ANKHD1: variants seen among roughly 807,000 people sequenced by gnomAD.
ANKHD1 encodes the protein ankyrin repeat and KH domain containing 1.
Under a neutral mutation model 230.5 loss-of-function variants are expected in ANKHD1, and 31 were observed. That is an observed-to-expected ratio of 0.13 (90% CI 0.10 to 0.18). The LOEUF (loss-of-function observed/expected upper bound fraction) is 0.18. ANKHD1 is among the 10% of genes least tolerant of loss of function. The pLI is 1.00. For synonymous variants in ANKHD1, 1,074 were observed against 1,117.6 expected, an observed-to-expected ratio of 0.96 and a Z score of 0.78; for missense variants, 2,256 against 3,071.3, an observed-to-expected ratio of 0.73 and a Z score of 6.27.
chr5:140,462,332 C>CT (rs755816715), intron 9 of ANKHD1, among the ~76,000 whole-genome samples: 1 of 152,114 alleles, frequency 6.6e-6, no homozygotes, highest in African/African-American at 2.4e-5. Context: ...GGGTGATACT[C>CT]TAAGTTCTTT....
intron 1 of ANKHD1, among the ~76,000 whole-genome samples, chr5:140,428,505 G>A (rs1034480531): frequency 3.9e-5 from 6 of 152,234 alleles, no homozygotes; most frequent in Admixed American, 2.0e-4. Context: ...GCGTGGTGGC[G>A]CACGCCTGCA....
chr5:140,525,725 G>A (rs1753574087), intron 25 of ANKHD1, among the ~76,000 whole-genome samples: 5 of 151,922 alleles, frequency 3.3e-5, no homozygotes, highest in South Asian at 2.1e-4. Flanking sequence ...AAAATTAGCC[G>A]GGCATGGTGG....
chr5:140,472,424 T>C, intron 10 of ANKHD1: 3 of 1,404,634 alleles, frequency 2.1e-6, no homozygotes, highest in Non-Finnish European at 2.8e-6. Context: ...GGAAATCCTC[T>C]TCAATTGAAA....
In ANKHD1 at chr5:140,537,432, T is replaced by C. The variant is rs1254138096; in HGVS notation, c.7071T>C (p.Ser2357=). The C allele has an allele frequency of 6.2e-7, 1 of 1,614,160 alleles. No individual in the cohort carries two copies. Among genetic ancestry groups the C allele is most frequent in the East Asian group, 2.2e-5 (1 of 44,878 alleles). ...PPTLGQPKGV[S]ASQDRKIPPP... is the part of the protein sequence containing the mutation. ...CGTTGGGCCAACCAAAAGGAGTCAG[T>C]GCCAGTCAAGATCGAAAGATACCTC... Residue 2357 remains serine, a synonymous_variant, in exon 31 of 34, where the codon AGT becomes AGC. Coordinates refer to ENST00000360839, the MANE Select transcript of ANKHD1 (RefSeq NM_017747.3).
At chr5:140,415,242 G>A (rs1383804386) in intron 1 of ANKHD1, among the ~76,000 whole-genome samples, 1 of 151,730 alleles carries the variant, frequency 6.6e-6, no homozygotes, top group Non-Finnish European at 1.5e-5. Context: ...AATTAGCCGG[G>A]CATGGTGGTG....
At chr5:140,414,197 T>C (rs1771169910) in intron 1 of ANKHD1, among the ~76,000 whole-genome samples, 1 of 152,192 alleles carries the variant, frequency 6.6e-6, no homozygotes, top group Admixed American at 6.5e-5. Context: ...TCAATTATTT[T>C]AGGTATATAC....
chr5:140,519,021 G>C (rs567935676), intron 24 of ANKHD1, among the ~76,000 whole-genome samples: 7 of 152,278 alleles, frequency 4.6e-5, no homozygotes, highest in Admixed American at 3.9e-4. Context: ...CGACATGATT[G>C]TATATCTAGA....
In ANKHD1 at chr5:140,485,577, A is replaced by T; in HGVS notation, c.1999-12A>T. On this transcript the variant is annotated splice_polypyrimidine_tract_variant and intron_variant, in intron 12 of 33. Coordinates refer to ENST00000360839, the MANE Select transcript of ANKHD1 (RefSeq NM_017747.3). The surrounding 1 kb of genome is among the most constrained non-coding windows in gnomAD (Gnocchi z 4.8). ...CTATAAAGAATTAATTATCATGGCA[A>T]TTCTTTTTCAGGATGGTTCAACAAT... is the stretch of plus-strand genomic sequence containing the variant. The T allele has an allele frequency of 1.2e-6, 2 of 1,611,760 alleles. No homozygotes were observed. The highest frequency in any genetic ancestry group is 1.7e-6 in the Non-Finnish European group (2 of 1,179,356).
chr5:140,414,925 T>A (rs1771233907), intron 1 of ANKHD1, among the ~76,000 whole-genome samples: 1 of 152,338 alleles, frequency 6.6e-6, no homozygotes, highest in South Asian at 2.1e-4. Flanking sequence ...CCTTATCAGA[T>A]ACATAATTAA....
intron 1 of ANKHD1, 27 bp downstream of exon 1, chr5:140,402,300 A>G: frequency 1.4e-6 from 2 of 1,447,068 alleles, no homozygotes. Context: ...CTCGCCTCCC[A>G]CACATTGTGA....
chr5:140,410,106 A>G (rs976406031), intron 1 of ANKHD1, among the ~76,000 whole-genome samples: 1 of 152,160 alleles, frequency 6.6e-6, no homozygotes, highest in Non-Finnish European at 1.5e-5. Context: ...ATAAGGGCAG[A>G]TACAGTGAAG....
chr5:140,488,958 G>T (rs1489772474), intron 14 of ANKHD1, among the ~76,000 whole-genome samples: 1 of 152,008 alleles, frequency 6.6e-6, no homozygotes, highest in East Asian at 1.9e-4. Context: ...TGGCAGGCCA[G>T]GTGGGCAAAT....
intron 14 of ANKHD1, among the ~76,000 whole-genome samples, chr5:140,488,312 T>C (rs989290212): frequency 6.6e-6 from 1 of 152,050 alleles, no homozygotes; most frequent in African/African-American, 2.4e-5. Context: ...TGGCCGGGCA[T>C]GGTGGCTCAC....
intron 5 of ANKHD1, among the ~76,000 whole-genome samples, chr5:140,444,087 C>T (rs1041622136): frequency 6.9e-6 from 1 of 145,414 alleles, no homozygotes; most frequent in African/African-American, 2.5e-5. Context: ...AGTCCCCCCC[C>T]CCCTTTTTTT....
At chr5:140,517,103 A>G (rs1753055599) in intron 24 of ANKHD1, among the ~76,000 whole-genome samples, 1 of 147,282 alleles carries the variant, frequency 6.8e-6, no homozygotes, top group Admixed American at 6.9e-5. Context: ...AGATCTACCA[A>G]GCAAATGGAA....
intron 15 of ANKHD1, among the ~76,000 whole-genome samples, chr5:140,498,623 T>C (rs967210364): frequency 1.3e-5 from 2 of 152,216 alleles, no homozygotes; most frequent in African/African-American, 4.8e-5. Context: ...TTGAAAGTTG[T>C]TATAAATTGT....
At position 140,526,106 on chromosome 5, in the gene ANKHD1, G is replaced by C. The variant is rs1327358027; in HGVS notation, c.4603G>C (p.Val1535Leu). ...TNVFGKKRAN[V>L]VTTPSTNRKN... ...TGTGTTTGGGAAAAAAAGGGCCAAT[G>C]TGGTGACAACTCCCAGCACCAATCG... Residue 1535 changes from valine (V) to leucine (L), a missense_variant, in exon 26 of 34, where the codon GTG becomes CTG. Around this residue, in one of 13 missense-constraint regions of ANKHD1, gnomAD observed 212 missense variants for 257.3 expected, o/e 0.82. Coordinates refer to ENST00000360839, the MANE Select transcript of ANKHD1 (RefSeq NM_017747.3). The C allele has an allele frequency of 6.2e-7, 1 of 1,613,824 alleles. No individual in the cohort carries two copies. Among genetic ancestry groups the C allele is most frequent in the East Asian group, 2.2e-5 (1 of 44,888 alleles).
At chr5:140,433,128 C>A (rs959795744) in intron 1 of ANKHD1, among the ~76,000 whole-genome samples, 1 of 151,568 alleles carries the variant, frequency 6.6e-6, no homozygotes, top group Non-Finnish European at 1.5e-5. Context: ...GAGTGCAGTG[C>A]CACAGTCTCA....
At chr5:140,438,870 A>G (rs963395201) in intron 3 of ANKHD1, among the ~76,000 whole-genome samples, 1 of 152,202 alleles carries the variant, frequency 6.6e-6, no homozygotes, top group African/African-American at 2.4e-5. Flanking sequence ...AGAAATCCAA[A>G]CTGAATAAGA....
Sources: gnomAD v4.1 joint callset for allele counts (sites outside exome capture counted in the v4.1 genomes callset) on GRCh38, gnomAD v4.1.1 for gene constraint, gnomAD v4.1.1 regional missense constraint, Gnocchi (gnomAD v3.1) non-coding constraint, MANE v1.5 for transcripts, NCBI Gene and HGNC (gene_info 2026-07-23, HGNC 2026-07-21) for gene names.